The following PDZRN4 variants were observed in gnomAD, a reference collection of about 807,000 sequenced individuals.
The protein encoded by PDZRN4 is PDZ domain-containing RING finger protein 4.
Under a neutral mutation model 99.0 loss-of-function variants are expected in PDZRN4, and 70 were observed. That is an observed-to-expected ratio of 0.71 (90% CI 0.58 to 0.86). The LOEUF (loss-of-function observed/expected upper bound fraction) is 0.86. PDZRN4 is among the 40% of genes least tolerant of loss of function. The pLI, the probability that PDZRN4 is intolerant of heterozygous loss-of-function variation, is 0.00. For synonymous variants in PDZRN4, 551 were observed against 501.6 expected (o/e 1.10, Z -1.32); for missense variants, 1,474 against 1,331.2 (o/e 1.11, Z -1.67).
intron 3 of PDZRN4, among the ~76,000 whole-genome samples, chr12:41,196,852 C>G (rs551067391): frequency 6.6e-6 from 1 of 152,034 alleles, no homozygotes; most frequent in Non-Finnish European, 1.5e-5. Context: ...GTTTTGTGAT[C>G]AAAGATTTGT....
intron 3 of PDZRN4, among the ~76,000 whole-genome samples, chr12:41,405,878 A>G (rs1472125971): frequency 3.3e-5 from 5 of 152,058 alleles, no homozygotes; most frequent in Non-Finnish European, 7.4e-5. Flanking sequence ...GTTCTCACTT[A>G]TAACTGGGAA....
chr12:41,269,599 G>T (rs1951300287), intron 3 of PDZRN4, among the ~76,000 whole-genome samples: 1 of 152,146 alleles, frequency 6.6e-6, no homozygotes, highest in African/African-American at 2.4e-5. Context: ...CAATTTGAGA[G>T]CCTTAATATT....
chr12:41,510,220 G>A (rs1345733782), intron 5 of PDZRN4, among the ~76,000 whole-genome samples: 2 of 151,998 alleles, frequency 1.3e-5, no homozygotes, highest in Non-Finnish European at 2.9e-5. Flanking sequence ...AGTGGAGTTT[G>A]AAAAATATAT....
intron 3 of PDZRN4, among the ~76,000 whole-genome samples, chr12:41,420,562 C>T (rs1754096104): frequency 6.6e-6 from 1 of 152,132 alleles, no homozygotes; most frequent in South Asian, 2.1e-4. Flanking sequence ...ATAAACCCAC[C>T]TCTCCCTACA....
intron 3 of PDZRN4, among the ~76,000 whole-genome samples, chr12:41,445,488 T>C (rs950961416): frequency 5.3e-5 from 8 of 152,082 alleles, no homozygotes; most frequent in African/African-American, 1.2e-4. Flanking sequence ...TCAATCACTG[T>C]CCAGTACATT....
rs547643870 is a variant in PDZRN4 at position 41,494,502 on chromosome 12, C to T, written c.844-11954C>T. Reference sequence around the variant, plus strand: ...GTCTATTTCAAGGTGCACTTAGAGACGACCATGTCGATGAAATTACTGGGG... The same window carrying T: ...GTCTATTTCAAGGTGCACTTAGAGATGACCATGTCGATGAAATTACTGGGG... On this transcript the variant is annotated intron_variant, in intron 3 of 9. Transcript: ENST00000402685. Among the ~76,000 whole-genome samples, 30 of 152,104 alleles carry T rather than the reference C, an allele frequency of 2.0e-4. No individual in the cohort carries two copies. The East Asian group carries it at 4.4e-3, about 23-fold the overall frequency.
Position 41,552,739 on chromosome 12 carries a change from C to A in PDZRN4, c.1287C>A (p.Gly429=). 6.2e-7 allele frequency: 1 copy of A among 1,613,036 alleles called. No homozygotes were observed. The highest frequency in any genetic ancestry group is 8.5e-7 in the Non-Finnish European group (1 of 1,179,188). ...GAACAGATGATGAAGAAGACACCGG[C>A]ATTTATGTCAGCGAGGTAAGAAACG... ...CYRTDDEEDT[G]IYVSEVDPNS... is the part of the protein sequence containing the mutation. The change falls in exon 6 of 10, where the codon GGC becomes GGA. Residue 429 remains glycine, a synonymous_variant. Coordinates refer to ENST00000402685, the MANE Select transcript of PDZRN4 (RefSeq NM_001164595.2).
intron 3 of PDZRN4, among the ~76,000 whole-genome samples, chr12:41,213,377 G>A (rs1023800634): frequency 3.3e-5 from 5 of 151,944 alleles, no homozygotes; most frequent in East Asian, 1.9e-4. Context: ...TATATTTCAC[G>A]AACAGACTCT....
chr12:41,481,411 A>G (rs1937672428), intron 3 of PDZRN4, among the ~76,000 whole-genome samples: 1 of 152,146 alleles, frequency 6.6e-6, no homozygotes, highest in Admixed American at 6.6e-5. Context: ...CCCTCCTGCC[A>G]AACAACCAAG....
At chr12:41,524,509 A>T (rs1310821274) in intron 5 of PDZRN4, among the ~76,000 whole-genome samples, 2 of 152,134 alleles carry the variant, frequency 1.3e-5, no homozygotes, top group Non-Finnish European at 2.9e-5. Flanking sequence ...TCATCTACAG[A>T]AAGGGAAAGT....
At chr12:41,567,711 C>T (rs550705199) in intron 8 of PDZRN4, 72 bp from the exon 9 acceptor site, 3 of 839,766 alleles carry the variant, frequency 3.6e-6, no homozygotes, top group Non-Finnish European at 5.5e-6. Context: ...GGGCACCGGC[C>T]ATTTAAGTTT....
At chr12:41,563,385 C>T (rs551554987) in intron 7 of PDZRN4, among the ~76,000 whole-genome samples, 163 bp from the exon 8 acceptor site, 3 of 152,038 alleles carry the variant, frequency 2.0e-5, no homozygotes, top group South Asian at 2.1e-4. Context: ...TTACAGTAAG[C>T]GCGTAATTGA....
At chr12:41,267,406 A>G (rs1034378583) in intron 3 of PDZRN4, among the ~76,000 whole-genome samples, 2 of 152,180 alleles carry the variant, frequency 1.3e-5, no homozygotes, top group African/African-American at 4.8e-5. Flanking sequence ...TGGAAGAAGA[A>G]GAAAAAAAAG....
intron 3 of PDZRN4, among the ~76,000 whole-genome samples, chr12:41,360,573 A>G (rs1951956881): frequency 6.6e-6 from 1 of 152,014 alleles, no homozygotes; most frequent in South Asian, 2.1e-4. Flanking sequence ...ACCACAACCT[A>G]TGCTATAGAA....
intron 3 of PDZRN4, among the ~76,000 whole-genome samples, chr12:41,344,552 AAG>A (rs1491488273): frequency 1.7e-3 from 227 of 130,604 alleles, no homozygotes; most frequent in African/African-American, 5.0e-3. Flanking sequence ...AAATGAAAAA[AAG>A]AAAAAACAAC....
intron 3 of PDZRN4, among the ~76,000 whole-genome samples, chr12:41,381,328 T>G (rs927388250): frequency 2.7e-5 from 4 of 150,898 alleles, no homozygotes; most frequent in African/African-American, 9.7e-5. Context: ...CTCTCTCTCT[T>G]TCTCTCTCTC....
chr12:41,409,766 A>G (rs1952379988), intron 3 of PDZRN4: 2 of 152,224 alleles, frequency 1.3e-5, no homozygotes, highest in African/African-American at 4.8e-5. Flanking sequence ...AGGTCAGCCA[A>G]CTGAAATCAA....
intron 3 of PDZRN4, among the ~76,000 whole-genome samples, chr12:41,215,307 T>C (rs549537234): frequency 2.0e-5 from 3 of 152,124 alleles, no homozygotes; most frequent in Non-Finnish European, 4.4e-5. Context: ...TCTAAAACTA[T>C]AGTATAGAAA....
chr12:41,455,955 C>T (rs1952813884), intron 3 of PDZRN4, among the ~76,000 whole-genome samples: 1 of 152,218 alleles, frequency 6.6e-6, no homozygotes, highest in Non-Finnish European at 1.5e-5. Context: ...ACCACATATC[C>T]AAGTTGCCAA....
Sources: gnomAD v4.1 joint callset for allele counts (sites outside exome capture counted in the v4.1 genomes callset) on GRCh38, gnomAD v4.1.1 for gene constraint, MANE v1.5 for transcripts, NCBI Gene and HGNC (gene_info 2026-07-23, HGNC 2026-07-21) for gene names.